Variants in TNKS observed in about 807,000 individuals in gnomAD.
The protein encoded by TNKS is tankyrase.
In TNKS, 72 loss-of-function variants were observed where a neutral mutation model predicts 135.8. The ratio of observed to expected loss-of-function variants is 0.53; its 90% CI spans 0.44 to 0.64. The LOEUF (loss-of-function observed/expected upper bound fraction) is 0.64. Ranked by LOEUF, TNKS falls within the 30% of genes least tolerant of loss-of-function variation. The probability of loss-of-function intolerance (pLI) is 0.00; values close to 1 mark genes in which losing one functional copy is unlikely to be tolerated. For synonymous variants in TNKS, 849 were observed against 649.3 expected (o/e 1.31, Z -4.68); for missense variants, 1,769 against 1,674.0 (o/e 1.06, Z -0.99).
Position 9,748,173 on chromosome 8 carries a change from G to A in TNKS, c.2793G>A (p.Met931Ile). Residue 931 changes from methionine (M) to isoleucine (I), a missense_variant, in exon 18 of 27, where the codon ATG (methionine) becomes ATA (isoleucine). Coordinates refer to ENST00000310430, the MANE Select transcript of TNKS (RefSeq NM_003747.3). ...LLLAHGADPT[M>I]KNQEGQTPLD... ...TAGCGCATGGTGCAGACCCCACCAT[G>A]AAGAACCAGGAAGGCCAGACGCCTC... 6.3e-7 allele frequency: 1 copy of A among 1,591,402 alleles called. No individual in the cohort carries two copies. Among genetic ancestry groups the A allele is most frequent in the Non-Finnish European group, 8.6e-7 (1 of 1,169,274 alleles).
intron 3 of TNKS, among the ~76,000 whole-genome samples, chr8:9,635,609 A>G (rs150349610): frequency 5.3e-4 from 80 of 152,328 alleles, no homozygotes; most frequent in African/African-American, 1.9e-3. Flanking sequence ...AAATCTGACA[A>G]TACTTTTTTT....
chr8:9,778,227 T>G lies in TNKS; in HGVS notation c.*1491T>G, dbSNP rs1808313380. On this transcript the variant is annotated 3_prime_UTR_variant, in exon 27 of 27. Coordinates refer to ENST00000310430, the MANE Select transcript of TNKS (RefSeq NM_003747.3). ...GAATTGAGTGCACTAACTTATTTAC[T>G]TGATATACTGTGCATCTACTCTGCT... 6.6e-6 allele frequency: 1 copy of G among 152,564 alleles called. No homozygotes were observed. The highest frequency in any genetic ancestry group is 1.5e-5 in the Non-Finnish European group (1 of 68,018). The allele number at this position is 152,564 out of a possible 1,614,324, so 9.5% of individuals were successfully genotyped here.
At chr8:9,736,454 T>G (rs1464074464) in intron 17 of TNKS, among the ~76,000 whole-genome samples, 1 of 152,036 alleles carries the variant, frequency 6.6e-6, no homozygotes, top group Non-Finnish European at 1.5e-5. Context: ...AAGTCCAGAG[T>G]TTTGGACATG....
intron 3 of TNKS, chr8:9,671,339 A>T (rs1281467480): frequency 6.6e-6 from 1 of 152,184 alleles, no homozygotes. Context: ...ACCCAAAGAC[A>T]TTTGGTAACA....
intron 25 of TNKS, among the ~76,000 whole-genome samples, chr8:9,768,211 TG>T (rs1284818866): frequency 6.6e-6 from 1 of 152,134 alleles, no homozygotes; most frequent in Non-Finnish European, 1.5e-5. Context: ...GACTAGTATT[TG>T]GCCAGTGCAG....
At chr8:9,721,230 C>A (rs1378069513) in intron 12 of TNKS, among the ~76,000 whole-genome samples, 1 of 147,716 alleles carries the variant, frequency 6.8e-6, no homozygotes. Context: ...TGCAGTGAGC[C>A]GAGATCACGC....
intron 20 of TNKS, among the ~76,000 whole-genome samples, chr8:9,755,051 C>A (rs1277741072): frequency 6.6e-6 from 1 of 152,078 alleles, no homozygotes; most frequent in Non-Finnish European, 1.5e-5. Context: ...CTAAATAAAC[C>A]AAAGACCTTA....
chr8:9,682,282 G>A (rs975830480), intron 5 of TNKS, among the ~76,000 whole-genome samples: 6 of 152,052 alleles, frequency 3.9e-5, no homozygotes, highest in South Asian at 2.1e-4. Context: ...CAGAACTTAT[G>A]TGAGATTTCT....
chr8:9,673,579 G>A (rs1009639880), intron 3 of TNKS, among the ~76,000 whole-genome samples: 3 of 151,398 alleles, frequency 2.0e-5, no homozygotes, highest in African/African-American at 7.3e-5. Flanking sequence ...GAATAGATGG[G>A]ATTACAGGCA....
intron 8 of TNKS, among the ~76,000 whole-genome samples, chr8:9,707,783 G>C (rs1202617551): frequency 6.6e-6 from 1 of 152,102 alleles, no homozygotes; most frequent in Non-Finnish European, 1.5e-5. Flanking sequence ...TTCAAGCTCT[G>C]CATTTCTCCC....
intron 17 of TNKS, among the ~76,000 whole-genome samples, chr8:9,747,488 A>G (rs930901980): frequency 6.6e-6 from 1 of 152,316 alleles, no homozygotes; most frequent in East Asian, 1.9e-4. Flanking sequence ...GACATAACAG[A>G]CCAATTTTCA....
chr8:9,667,751 A>G (rs981882071), intron 3 of TNKS, among the ~76,000 whole-genome samples: 1 of 151,792 alleles, frequency 6.6e-6, no homozygotes, highest in Admixed American at 6.6e-5. Flanking sequence ...ATATTTTCCC[A>G]AAAGTATCAC....
At chr8:9,615,761 C>G in intron 3 of TNKS, 84 bp downstream of exon 3, 1 of 1,098,380 alleles carries the variant, frequency 9.1e-7, no homozygotes, top group Non-Finnish European at 1.3e-6. Context: ...CTGAATTTTT[C>G]TTTTCACTGA....
intron 2 of TNKS, among the ~76,000 whole-genome samples, chr8:9,599,040 T>A (rs1374717498): frequency 2.6e-5 from 4 of 151,876 alleles, no homozygotes; most frequent in African/African-American, 9.7e-5. Flanking sequence ...GCAAGCTTTA[T>A]GATCCTATTA....
In TNKS at chr8:9,693,255, C is replaced by G. The variant is rs569806299; in HGVS notation, c.1108-11408C>G. ...TGTACAGCTCTTACAAAGAATAAGA[C>G]AGACAGATATGTACTAATATTAAGA... On this transcript the variant is annotated intron_variant, in intron 5 of 26. Transcript: ENST00000310430. 4.6e-5 allele frequency among the ~76,000 whole-genome samples: 7 copies of G among 152,162 alleles called. No individual in the cohort carries two copies. In the South Asian group the frequency reaches 1.5e-3, roughly 32 times the overall value.
rs1285868643 is a variant in TNKS, at chr8:9,679,893, C to T, written c.995-58C>T. The stretch of plus-strand genomic sequence containing the variant: ...TTAATTCTCTATTTGCTGCCTACTG[C>T]ATTTCTTAATCTGTCTTCTGCCAAA... On this transcript the variant is annotated intron_variant, in intron 3 of 26. Coordinates refer to ENST00000310430, the MANE Select transcript of TNKS (RefSeq NM_003747.3). 4.4e-6 allele frequency: 6 copies of T among 1,368,442 alleles called. No homozygotes were observed. In the Admixed American group the frequency reaches 1.0e-4, roughly 23 times the overall value. The allele number at this position is 1,368,442 out of a possible 1,614,324, so 84.8% of individuals were successfully genotyped here.
At chr8:9,579,549 A>T (rs529076323) in intron 1 of TNKS, among the ~76,000 whole-genome samples, 1 of 152,106 alleles carries the variant, frequency 6.6e-6, no homozygotes, top group Non-Finnish European at 1.5e-5. Context: ...GCTCACTGCC[A>T]TCTCTGCCTC....
At chr8:9,688,717 G>C (rs1392124011) in intron 5 of TNKS, among the ~76,000 whole-genome samples, 1 of 152,096 alleles carries the variant, frequency 6.6e-6, no homozygotes, top group Non-Finnish European at 1.5e-5. Context: ...TCAGCTCACT[G>C]CAAGCTCCGC....
chr8:9,732,564 A>G (rs1805497355), intron 14 of TNKS, among the ~76,000 whole-genome samples: 1 of 148,092 alleles, frequency 6.8e-6, no homozygotes, highest in Non-Finnish European at 1.5e-5. Flanking sequence ...CAGTTAGCAT[A>G]TTTCATCCCA....
Sources: allele counts gnomAD v4.1 joint callset (sites outside exome capture counted in the v4.1 genomes callset), GRCh38; gene constraint gnomAD v4.1.1; transcripts MANE v1.5; gene names NCBI Gene and HGNC (gene_info 2026-07-23, HGNC 2026-07-21).